Variants in ATXN1 observed in about 807,000 individuals in gnomAD.
ATXN1 encodes ataxin 1, also known as ataxin-1.
Under a neutral mutation model 56.4 loss-of-function variants are expected in ATXN1, and 8 were observed. The ratio of observed to expected loss-of-function variants is 0.14; its 90% CI spans 0.08 to 0.26. The LOEUF is 0.26. Ranked by LOEUF, ATXN1 falls within the 10% of genes least tolerant of loss-of-function variation. The pLI, the probability that ATXN1 is intolerant of heterozygous loss-of-function variation, is 1.00. For synonymous variants in ATXN1, 514 were observed against 494.6 expected (o/e 1.04, Z -0.52); for missense variants, 987 against 1,106.5 (o/e 0.89, Z 1.53).
At chr6:16,542,638 A>G (rs1376148346) in intron 4 of ATXN1, among the ~76,000 whole-genome samples, 1 of 152,194 alleles carries the variant, frequency 6.6e-6, no homozygotes, top group Non-Finnish European at 1.5e-5. Flanking sequence ...TAGGAAAAAG[A>G]CACTAAGAAA....
intron 4 of ATXN1, among the ~76,000 whole-genome samples, chr6:16,582,372 T>C (rs1269992446): frequency 1.3e-5 from 2 of 152,202 alleles, no homozygotes; most frequent in Non-Finnish European, 2.9e-5. Context: ...AGCCCTATAC[T>C]GGGACATAGC....
chr6:16,368,071 G>C (rs1414490079), intron 6 of ATXN1, among the ~76,000 whole-genome samples: 1 of 151,980 alleles, frequency 6.6e-6, no homozygotes, highest in African/African-American at 2.4e-5. Context: ...TCGGGAGCCT[G>C]AGGCAGGACA....
chr6:16,485,875 G>C (rs1048625720), intron 6 of ATXN1, 97 bp downstream of exon 6: 1 of 152,172 alleles, frequency 6.6e-6, no homozygotes, highest in Admixed American at 6.5e-5. Context: ...TAGAGCTCAT[G>C]CTAATACCCC....
rs900328081 is a variant in ATXN1, at chr6:16,304,193, G to A, written c.*2136C>T. 1.3e-5 allele frequency: 2 copies of A among 152,330 alleles called. No individual in the cohort carries two copies. The highest frequency in any genetic ancestry group is 1.9e-4 in the East Asian group (1 of 5,188). 9.4% of individuals were successfully genotyped at this position (152,330 alleles called of 1,614,324 possible). Reference sequence around the variant, plus strand: ...AGATTTTTTTTTTAATTTGTGAAACGAAGAAAGTACTATTTTCAATGGGGT... The same window carrying A: ...AGATTTTTTTTTTAATTTGTGAAACAAAGAAAGTACTATTTTCAATGGGGT... On this transcript the variant is annotated 3_prime_UTR_variant, in exon 8 of 8. Coordinates refer to ENST00000436367, the MANE Select transcript of ATXN1 (RefSeq NM_001128164.2).
intron 5 of ATXN1, among the ~76,000 whole-genome samples, chr6:16,502,852 T>C (rs1377985053): frequency 1.3e-5 from 2 of 152,226 alleles, no homozygotes; most frequent in African/African-American, 2.4e-5. Flanking sequence ...AGTAGTATAA[T>C]GAAAATATCC....
intron 6 of ATXN1, among the ~76,000 whole-genome samples, chr6:16,333,571 C>T (rs1761039023): frequency 6.6e-6 from 1 of 152,182 alleles, no homozygotes; most frequent in Non-Finnish European, 1.5e-5. Flanking sequence ...CCTACACCCC[C>T]AATCCTGTGC....
chr6:16,734,714 G>T (rs940422874), intron 2 of ATXN1, among the ~76,000 whole-genome samples: 1 of 152,108 alleles, frequency 6.6e-6, no homozygotes, highest in East Asian at 1.9e-4. Flanking sequence ...GGCTGGTCTC[G>T]AACTATGGAC....
intron 4 of ATXN1, among the ~76,000 whole-genome samples, chr6:16,574,575 C>T (rs1762388773): frequency 6.6e-6 from 1 of 152,192 alleles, no homozygotes; most frequent in Non-Finnish European, 1.5e-5. Context: ...GATCTCCTGA[C>T]CTCAAGTGAT....
Position 16,326,515 on chromosome 6 carries a change from A to G in ATXN1, c.1796T>C (p.Ile599Thr). ...KVEDLKTEDF[I>T]QSAEISNDLK... is the part of the protein sequence containing the mutation. ...GTCGTTGCTTATCTCTGCACTCTGG[A>G]TGAAATCTTCTGTTTTTAAGTCTTC... The change falls in exon 7 of 8, where the codon ATC (isoleucine) becomes ACC (threonine). Residue 599 changes from isoleucine to threonine, a missense_variant. This residue lies in a region of ATXN1 where 68 missense variants were observed against 118.1 expected (regional missense o/e 0.58). Transcript: ENST00000436367. This position sits in a 1 kb window ranked among gnomAD's most constrained non-coding sequence, Gnocchi z 6.6. 1 of 1,614,010 alleles carries G rather than the reference A, an allele frequency of 6.2e-7. No individual in the cohort carries two copies. The highest frequency in any genetic ancestry group is 8.5e-7 in the Non-Finnish European group (1 of 1,180,002).
chr6:16,327,257 C>G lies in ATXN1; in HGVS notation c.1054G>C (p.Val352Leu), dbSNP rs894652843. ...LGLGKAGGKS[V>L]PHPYESRHVV... ...TGCCTGGACTCGTACGGGTGAGGAACCGACTTGCCGCCTGCCTTGCCCAGG... is the reference window on the plus strand; with the variant it reads ...TGCCTGGACTCGTACGGGTGAGGAAGCGACTTGCCGCCTGCCTTGCCCAGG... The change falls in exon 7 of 8, where the codon GTT (valine) becomes CTT (leucine). Residue 352 changes from valine (V) to leucine (L), a missense_variant. Val to Leu is a conservative substitution (Grantham distance 32). Around this residue, in one of 3 missense-constraint regions of ATXN1, gnomAD observed 723 missense variants for 791.7 expected, o/e 0.91. Transcript: ENST00000436367. 1.4e-5 allele frequency: 23 copies of G among 1,613,184 alleles called. No individual in the cohort carries two copies. Among genetic ancestry groups the G allele is most frequent in the African/African-American group, 4.0e-5 (3 of 74,920 alleles).
rs1761474009 is a variant in ATXN1, at chr6:16,348,150, G to A, written c.-160-19680C>T. Among the ~76,000 whole-genome samples, 3 of 152,318 alleles carry A rather than the reference G, an allele frequency of 2.0e-5. No homozygotes were observed. In the South Asian group the frequency reaches 6.2e-4, roughly 32 times the overall value. On this transcript the variant is annotated intron_variant, in intron 6 of 7. Coordinates refer to ENST00000436367, the MANE Select transcript of ATXN1 (RefSeq NM_001128164.2). ...AGTAGCACAACCATAGTTTACTGTA[G>A]CCTCGACCTCCCTGTGCTCAAGTGA...
At chr6:16,588,926 G>A (rs236976) in intron 3 of ATXN1, among the ~76,000 whole-genome samples, 25,020 of 151,980 alleles carry the variant, frequency 0.16, 4,664 homozygotes, top group African/African-American at 0.46. Flanking sequence ...ATTCCTTTGG[G>A]TAACATGCAA....
At chr6:16,730,681 A>G (rs936063932) in intron 2 of ATXN1, among the ~76,000 whole-genome samples, 5 of 152,158 alleles carry the variant, frequency 3.3e-5, no homozygotes, top group Admixed American at 6.5e-5. Context: ...ATTCTTGCCC[A>G]CTGTTCTTTC....
intron 6 of ATXN1, among the ~76,000 whole-genome samples, chr6:16,336,230 C>T (rs376092166): frequency 5.3e-5 from 8 of 152,240 alleles, no homozygotes; most frequent in African/African-American, 1.9e-4. Flanking sequence ...CTTTCTTAGT[C>T]TACCCAACCA....
intron 6 of ATXN1, among the ~76,000 whole-genome samples, chr6:16,468,424 C>T (rs1185981271): frequency 2.0e-5 from 3 of 152,154 alleles, no homozygotes; most frequent in Admixed American, 2.0e-4. Context: ...TTCCTGACAT[C>T]GTGATCTGCC....
intron 2 of ATXN1, chr6:16,738,003 G>A (rs528000055): frequency 2.0e-5 from 3 of 152,226 alleles, no homozygotes; most frequent in Admixed American, 6.5e-5. Flanking sequence ...TTTATTCCTC[G>A]AGAAGCTTTC....
intron 7 of ATXN1, among the ~76,000 whole-genome samples, chr6:16,311,171 T>C (rs1005880762): frequency 3.9e-5 from 6 of 152,240 alleles, no homozygotes; most frequent in African/African-American, 1.4e-4. Context: ...AAAAAGTATT[T>C]TGTTTAATGT....
At chr6:16,610,065 C>T (rs1277377116) in intron 3 of ATXN1, among the ~76,000 whole-genome samples, 1 of 151,970 alleles carries the variant, frequency 6.6e-6, no homozygotes, top group Non-Finnish European at 1.5e-5. Flanking sequence ...CTGAAAAAGT[C>T]TCCCAAAAGG....
At chr6:16,596,390 G>A (rs191531803) in intron 3 of ATXN1, among the ~76,000 whole-genome samples, 39 of 152,222 alleles carry the variant, frequency 2.6e-4, no homozygotes, top group Middle Eastern at 6.8e-3. Context: ...AAATATGATA[G>A]GGAAATATGT....
Sources: gnomAD v4.1 joint callset for allele counts (sites outside exome capture counted in the v4.1 genomes callset) on GRCh38, gnomAD v4.1.1 for gene constraint, gnomAD v4.1.1 regional missense constraint, Gnocchi (gnomAD v3.1) non-coding constraint, MANE v1.5 for transcripts, NCBI Gene and HGNC (gene_info 2026-07-23, HGNC 2026-07-21) for gene names.